MDGA2: variants seen among roughly 807,000 people sequenced by gnomAD.
MDGA2 encodes MAM domain-containing glycosylphosphatidylinositol anchor protein 2.
In MDGA2, 40 loss-of-function variants were observed where a neutral mutation model predicts 117.8. That is an observed-to-expected ratio of 0.34 (90% CI 0.26 to 0.44). The LOEUF (loss-of-function observed/expected upper bound fraction) is 0.44, where lower values mean the gene tolerates loss of function less well. MDGA2 is among the 20% of genes least tolerant of loss of function. MDGA2 has a pLI of 1.00. For missense variants in MDGA2, 1,123 were observed against 1,250.6 expected, an observed-to-expected ratio of 0.90 and a Z score of 1.54; for synonymous variants, 452 against 439.0, an observed-to-expected ratio of 1.03 and a Z score of -0.37.
chr14:46,854,152 G>A (rs181393005), intron 15 of MDGA2, among the ~76,000 whole-genome samples: 3 of 151,516 alleles, frequency 2.0e-5, no homozygotes, highest in Admixed American at 1.3e-4. Flanking sequence ...AAACTGGCAC[G>A]ATTTTCTATA....
intron 8 of MDGA2, among the ~76,000 whole-genome samples, chr14:47,028,766 A>T (rs575907481): frequency 6.6e-6 from 1 of 152,284 alleles, no homozygotes; most frequent in Non-Finnish European, 1.5e-5. Flanking sequence ...GATGGACTGA[A>T]TTATTACAGA....
At chr14:47,343,318 G>T in intron 1 of MDGA2, 1 of 1,063,996 alleles carries the variant, frequency 9.4e-7, no homozygotes, top group Non-Finnish European at 1.2e-6. Context: ...GAGACGCTGT[G>T]AGTCTATTAT....
chr14:46,845,798 C>G lies in MDGA2; in HGVS notation c.2957G>C (p.Gly986Ala), dbSNP rs1880814858. ...TGCTAGGTCTTGTTTTGCACATTCT[C>G]CTTCTGCAATTGATACATCATCAAT... ...IAIDDVSIAE[G>A]ECAKQDLATK... is the part of the protein sequence containing the mutation. The change falls in exon 16 of 17, where the codon GGA (glycine) becomes GCA (alanine). Residue 986 changes from glycine (G) to alanine (A), a missense_variant. Gly to Ala is a moderately conservative substitution (Grantham distance 60, BLOSUM62 0). Around this residue, in one of 2 missense-constraint regions of MDGA2, gnomAD observed 890 missense variants for 1,050.3 expected, o/e 0.85. Coordinates refer to ENST00000399232, the MANE Select transcript of MDGA2 (RefSeq NM_001113498.3). 1 of 1,613,114 alleles carries G rather than the reference C, an allele frequency of 6.2e-7. No individual in the cohort carries two copies. Among genetic ancestry groups the G allele is most frequent in the Admixed American group, 1.7e-5 (1 of 59,964 alleles).
rs566405462 is a variant in MDGA2 at position 46,932,661 on chromosome 14, G to T, written c.2090-12501C>A. Among the ~76,000 whole-genome samples, 8 of 152,178 alleles carry T rather than the reference G, an allele frequency of 5.3e-5. No individual in the cohort carries two copies. The East Asian group carries it at 1.4e-3, about 26-fold the overall frequency. On this transcript the variant is annotated intron_variant, in intron 9 of 16. Transcript: ENST00000399232. ...AAGAATTAGAAACTAGAAAAATGAT[G>T]ATCAGATCCCAAGACTGTATAATTC...
chr14:47,233,208 T>C (rs950671345), intron 2 of MDGA2, among the ~76,000 whole-genome samples: 7 of 152,132 alleles, frequency 4.6e-5, no homozygotes, highest in African/African-American at 1.7e-4. Flanking sequence ...AACCCATGAA[T>C]ACTTAGTTTC....
chr14:46,902,399 G>C (rs1252351992), intron 10 of MDGA2, among the ~76,000 whole-genome samples: 1 of 151,950 alleles, frequency 6.6e-6, no homozygotes, highest in East Asian at 1.9e-4. Context: ...CCTCACTACA[G>C]GGAAGAATTA....
At chr14:47,463,613 A>C (rs1893537305) in intron 1 of MDGA2, among the ~76,000 whole-genome samples, 1 of 152,148 alleles carries the variant, frequency 6.6e-6, no homozygotes, top group Non-Finnish European at 1.5e-5. Flanking sequence ...GAGAAAATTC[A>C]CATATGTAAA....
At chr14:47,188,321 C>G (rs1034565155) in intron 3 of MDGA2, among the ~76,000 whole-genome samples, 1 of 152,148 alleles carries the variant, frequency 6.6e-6, no homozygotes. Context: ...TCTTGGGTGT[C>G]CACTATTGCT....
chr14:46,900,281 C>T (rs536986746), intron 10 of MDGA2, among the ~76,000 whole-genome samples: 1 of 152,244 alleles, frequency 6.6e-6, no homozygotes, highest in South Asian at 2.1e-4. Flanking sequence ...AATAAAACCA[C>T]TTCATAAAAT....
intron 5 of MDGA2, among the ~76,000 whole-genome samples, chr14:47,115,387 T>A (rs1881271611): frequency 1.3e-5 from 2 of 152,018 alleles, no homozygotes; most frequent in African/African-American, 4.8e-5. Context: ...AGGAGACTAA[T>A]TCTAGAAGGC....
intron 3 of MDGA2, among the ~76,000 whole-genome samples, chr14:47,161,000 A>T (rs1365788905): frequency 2.0e-5 from 3 of 152,138 alleles, no homozygotes; most frequent in Non-Finnish European, 2.9e-5. Flanking sequence ...CTCTTTCCTT[A>T]TTCCAAATCA....
At chr14:47,183,091 A>G (rs756571603) in intron 3 of MDGA2, among the ~76,000 whole-genome samples, 52 of 152,154 alleles carry the variant, frequency 3.4e-4, no homozygotes, top group Non-Finnish European at 4.7e-4. Flanking sequence ...ATATGTATAC[A>G]TGTTCAAAAT....
intron 8 of MDGA2, among the ~76,000 whole-genome samples, chr14:46,986,456 A>C (rs1335707631): frequency 6.6e-6 from 1 of 152,064 alleles, no homozygotes; most frequent in African/African-American, 2.4e-5. Flanking sequence ...GAAGGCTGAC[A>C]ACCTGGGCAT....
At chr14:47,591,839 A>G (rs1896445648) in intron 1 of MDGA2, among the ~76,000 whole-genome samples, 1 of 152,170 alleles carries the variant, frequency 6.6e-6, no homozygotes, top group Non-Finnish European at 1.5e-5. Context: ...TTGAATGGGC[A>G]AAAGCTAAAA....
intron 8 of MDGA2, among the ~76,000 whole-genome samples, chr14:46,980,099 C>T (rs975723946): frequency 6.6e-6 from 1 of 152,130 alleles, no homozygotes; most frequent in African/African-American, 2.4e-5. Flanking sequence ...TTCCAAAATC[C>T]TAGGGCCCTT....
At chr14:47,188,579 T>C (rs1198629197) in intron 3 of MDGA2, among the ~76,000 whole-genome samples, 1 of 152,150 alleles carries the variant, frequency 6.6e-6, no homozygotes, top group Non-Finnish European at 1.5e-5. Context: ...CGGATGCACA[T>C]AAGCTGTGAG....
intron 2 of MDGA2, among the ~76,000 whole-genome samples, chr14:47,265,339 T>G (rs775428514): frequency 3.9e-5 from 6 of 152,158 alleles, no homozygotes; most frequent in African/African-American, 2.4e-5. Flanking sequence ...GGTCATTGTG[T>G]TTAAGAATAA....
chr14:47,293,540 T>A (rs1353963997), intron 2 of MDGA2, among the ~76,000 whole-genome samples: 1 of 152,200 alleles, frequency 6.6e-6, no homozygotes, highest in East Asian at 1.9e-4. Flanking sequence ...AAGTATATAG[T>A]GATAAGAGTA....
In MDGA2 at chr14:47,335,734, T is replaced by TTATATATATATA. The variant is rs1555374514; in HGVS notation, c.281-34196_281-34185dup. Among the ~76,000 whole-genome samples the TTATATATATATA allele has an allele frequency of 8.8e-4, 42 of 47,940 alleles. 1 individual carries two copies. The highest frequency in any genetic ancestry group is 4.7e-3 in the East Asian group (2 of 426). The allele number at this position is 47,940 out of a possible 152,430, so 31.5% of individuals were successfully genotyped here. On this transcript the variant is annotated intron_variant, in intron 1 of 16. Coordinates refer to ENST00000399232, the MANE Select transcript of MDGA2 (RefSeq NM_001113498.3). Reference sequence around the variant, plus strand: ...ACACATACACATGCACACATATATTTTATATATATATATACATACATACAT... The same window carrying TTATATATATATA: ...ACACATACACATGCACACATATATTTTATATATATATATATATATATATATACATACATACAT...
Sources: allele counts gnomAD v4.1 joint callset (sites outside exome capture counted in the v4.1 genomes callset), GRCh38; gene constraint gnomAD v4.1.1; regional missense constraint gnomAD v4.1.1; transcripts MANE v1.5; gene names NCBI Gene and HGNC (gene_info 2026-07-23, HGNC 2026-07-21).